The following SIRT7 variants were observed in gnomAD, a reference collection of about 807,000 sequenced individuals.
SIRT7 encodes the protein NAD-dependent protein deacetylase sirtuin-7.
A neutral mutation model predicts 42.8 loss-of-function variants in SIRT7; 32 were observed. The observed-to-expected ratio is 0.75, with a 90% confidence interval of 0.56 to 1.00. SIRT7 has a LOEUF of 1.00. Among genes scored for constraint, SIRT7 ranks in the 50% least tolerant of loss-of-function variants. SIRT7 has a pLI of 0.00. For synonymous variants in SIRT7, 297 were observed against 245.2 expected (o/e 1.21, Z -1.97); for missense variants, 553 against 572.2 (o/e 0.97, Z 0.34).
chr17:81,913,590 G>A lies in SIRT7; in HGVS notation c.1004+184C>T. Reference sequence around the variant, plus strand: ...TGCCACATCAGCCAGGGCAGGAGTGGCACACGCAGGGTCTCCGCCAACCAC... The same window carrying A: ...TGCCACATCAGCCAGGGCAGGAGTGACACACGCAGGGTCTCCGCCAACCAC... On this transcript the variant is annotated intron_variant, in intron 9 of 9. Coordinates refer to ENST00000328666, the MANE Select transcript of SIRT7 (RefSeq NM_016538.3). The surrounding 1 kb of genome is among the most constrained non-coding windows in gnomAD (Gnocchi z 5.0). The A allele has an allele frequency of 1.7e-6, 1 of 595,694 alleles. No individual in the cohort carries two copies. Among genetic ancestry groups the A allele is most frequent in the Non-Finnish European group, 3.0e-6 (1 of 333,686 alleles). The allele number at this position is 595,694 out of a possible 1,614,324, so 36.9% of individuals were successfully genotyped here. A position where few individuals can be genotyped will look rare whatever the true frequency, so the allele number is the denominator to read the frequency against.
chr17:81,917,880 G>C lies in SIRT7; in HGVS notation c.181C>G (p.Leu61Val), dbSNP rs1231732977. Residue 61 changes from leucine to valine, a missense_variant, in exon 2 of 10, where the codon CTG becomes GTG. Coordinates refer to ENST00000328666, the MANE Select transcript of SIRT7 (RefSeq NM_016538.3). Reference protein sequence around the residue: ...LAESADLVTELQGRSRRREGL... With the variant: ...LAESADLVTEVQGRSRRREGL... ...TCGCGCCGCCGGCTCCGGCCCTGCA[G>C]CTCCGTTACCAGGTCCGCGCTCTCG... The C allele has an allele frequency of 1.1e-5, 16 of 1,440,238 alleles. No individual in the cohort carries two copies. The East Asian group carries it at 4.1e-4, about 36-fold the overall frequency. 89.2% of individuals were successfully genotyped at this position (1,440,238 alleles called of 1,614,324 possible). A position where few individuals can be genotyped will look rare whatever the true frequency, so the allele number is the denominator to read the frequency against.
chr17:81,915,819 G>A, intron 3 of SIRT7, 138 bp from the exon 4 acceptor site: 2 of 935,694 alleles, frequency 2.1e-6, no homozygotes, highest in Non-Finnish European at 1.7e-6. Context: ...TCATTCCACA[G>A]GCTGACCTGC....
Position 81,912,244 on chromosome 17 carries a change from G to C in SIRT7, c.*172C>G, listed in dbSNP as rs548198539. The C allele has an allele frequency of 3.2e-5, 25 of 784,776 alleles. No homozygotes were observed. Among genetic ancestry groups the C allele is most frequent in the Non-Finnish European group, 5.0e-5 (24 of 481,188 alleles). 48.6% of individuals were successfully genotyped at this position (784,776 alleles called of 1,614,324 possible). ...GTCCTCGATGGCCAGGCCGTATCAGGGTACAACCGCAGCAGTGCAAGGGGC... is the reference window on the plus strand; with the variant it reads ...GTCCTCGATGGCCAGGCCGTATCAGCGTACAACCGCAGCAGTGCAAGGGGC... On this transcript the variant is annotated 3_prime_UTR_variant, in exon 10 of 10. Coordinates refer to ENST00000328666, the MANE Select transcript of SIRT7 (RefSeq NM_016538.3).
Position 81,917,936 on chromosome 17 carries a change from TCCG to T in SIRT7, c.122_124del (p.Ala41del), listed in dbSNP as rs1268550486. 2.2e-6 allele frequency: 3 copies of T among 1,390,296 alleles called. No homozygotes were observed. Among genetic ancestry groups the T allele is most frequent in the South Asian group, 1.6e-5 (1 of 61,852 alleles). 86.1% of individuals were successfully genotyped at this position (1,390,296 alleles called of 1,614,324 possible). On this transcript the variant is annotated inframe_deletion, in exon 2 of 10. Coordinates refer to ENST00000328666, the MANE Select transcript of SIRT7 (RefSeq NM_016538.3). ...CAGCCGGCCCTCCTCGGCGCTGCGC[TCCG>T]CCGCCGCCTTCCTCAGGATGCGCGA...
intron 7 of SIRT7, 50 bp downstream of exon 7, chr17:81,914,244 C>A (rs1394346140): frequency 1.9e-6 from 3 of 1,611,654 alleles, no homozygotes; most frequent in East Asian, 2.2e-5. Context: ...GAGCTGGACA[C>A]CCTCGGGCGG....
intron 3 of SIRT7, chr17:81,917,362 T>G (rs767002942): frequency 7.7e-6 from 3 of 389,222 alleles, no homozygotes; most frequent in Non-Finnish European, 9.2e-6. Context: ...AACTTTGGGC[T>G]TAGCTCTGTC....
Position 81,914,164 on chromosome 17 carries a change from G to A in SIRT7, c.820C>T (p.Leu274=), listed in dbSNP as rs1159704795. ...ILCLGSSLKV[L]KKYPRLWCMT... ...CACCAGAGGCGTGGGTACTTCTTTA[G>A]AACCTGTGGAAGCAGACAGACAGAC... is the stretch of plus-strand genomic sequence containing the variant. Residue 274 remains leucine, a synonymous_variant, in exon 8 of 10, where the codon CTA becomes TTA. Transcript: ENST00000328666. 11 of 1,613,624 alleles carry A rather than the reference G, an allele frequency of 6.8e-6. No homozygotes were observed. The highest frequency in any genetic ancestry group is 1.7e-5 in the Admixed American group (1 of 60,024).
rs2040843750 is a variant in SIRT7, at chr17:81,918,115, A to C, written c.17T>G (p.Leu6Arg). Reference protein sequence around the residue: MAAGGLSRSERKAAER... With the variant: MAAGGRSRSERKAAER... ...CGCCGCTTTGCGCTCGGAGCGGCTC[A>C]GACCCCCGGCTGCCATCGCTCCCCT... Residue 6 changes from leucine (L) to arginine (R), a missense_variant, in exon 1 of 10, where the codon CTG becomes CGG. Physicochemically the swap from Leu to Arg is moderately radical, Grantham distance 102. Transcript: ENST00000328666. 4 of 1,552,868 alleles carry C rather than the reference A, an allele frequency of 2.6e-6. No individual in the cohort carries two copies. Among genetic ancestry groups the C allele is most frequent in the Non-Finnish European group, 3.4e-6 (4 of 1,160,554 alleles).
chr17:81,915,319 G>C (rs1291920436), intron 5 of SIRT7, 121 bp downstream of exon 5: 2 of 1,134,216 alleles, frequency 1.8e-6, no homozygotes, highest in African/African-American at 3.1e-5. Flanking sequence ...TAACCCGCTT[G>C]GTGGGTGCTC....
chr17:81,915,662 T>A lies in SIRT7; in HGVS notation c.356A>T (p.Tyr119Phe). Reference protein sequence around the residue: ...GISTAASIPDYRGPNGVWTLL... With the variant: ...GISTAASIPDFRGPNGVWTLL... ...TGTCCACACTCCATTAGGGCCCCGG[T>A]AGTCTGGGATAGACGCTGCCTGCAT... The change falls in exon 4 of 10, where the codon TAC becomes TTC. Residue 119 changes from tyrosine (Y) to phenylalanine (F), a missense_variant. Transcript: ENST00000328666. 6.2e-7 allele frequency: 1 copy of A among 1,613,876 alleles called. No homozygotes were observed. The highest frequency in any genetic ancestry group is 1.1e-5 in the South Asian group (1 of 91,072).
At position 81,912,036 on chromosome 17, in the gene SIRT7, TA is replaced by T. The variant is rs2143770442; in HGVS notation, c.*379del. On this transcript the variant is annotated 3_prime_UTR_variant, in exon 10 of 10. Transcript: ENST00000328666. ...CACATCCAGTACAGAGAGGATTCTA[TA>T]AAGTTCACACTTTTTCATTAAGTAG... 1 of 331,612 alleles carries T rather than the reference TA, an allele frequency of 3.0e-6. No homozygotes were observed. Among genetic ancestry groups the T allele is most frequent in the Non-Finnish European group, 5.7e-6 (1 of 175,152 alleles). The allele number at this position is 331,612 out of a possible 1,614,324, so 20.5% of individuals were successfully genotyped here.
rs1429408860 is a variant in SIRT7 at position 81,913,396 on chromosome 17, T to G, written c.1004+378A>C. 1 of 449,920 alleles carries G rather than the reference T, an allele frequency of 2.2e-6. No homozygotes were observed. Among genetic ancestry groups the G allele is most frequent in the East Asian group, 6.7e-5 (1 of 14,968 alleles). 27.9% of individuals were successfully genotyped at this position (449,920 alleles called of 1,614,324 possible). On this transcript the variant is annotated intron_variant, in intron 9 of 9. Transcript: ENST00000328666. The surrounding 1 kb of genome is among the most constrained non-coding windows in gnomAD (Gnocchi z 5.0). ...ATTAAGGCACAGTTTGTTTAAGCTTTCCCAAAGTACGCCAACTCCCAAAAC... is the reference window on the plus strand; with the variant it reads ...ATTAAGGCACAGTTTGTTTAAGCTTGCCCAAAGTACGCCAACTCCCAAAAC...
intron 1 of SIRT7, 21 bp downstream of exon 1, chr17:81,918,018 C>A: frequency 7.0e-7 from 1 of 1,421,174 alleles, no homozygotes; most frequent in Non-Finnish European, 9.1e-7. Context: ...ATGGCCGGGC[C>A]GGGGAGCGGC....
Position 81,914,531 on chromosome 17 carries a change from C to G in SIRT7, c.580-1G>C, listed in dbSNP as rs1257069573. The stretch of plus-strand genomic sequence containing the variant: ...TGTTGGGAACGCAGGAGGTACAGAC[C>G]TAGAGGCAAGAGGGCACAGTGAGTG... On this transcript the variant is annotated splice_acceptor_variant, in intron 6 of 9. Transcript: ENST00000328666. LOFTEE classifies it high-confidence loss of function. 7 of 1,613,210 alleles carry G rather than the reference C, an allele frequency of 4.3e-6. No individual in the cohort carries two copies. Among genetic ancestry groups the G allele is most frequent in the Non-Finnish European group, 5.1e-6 (6 of 1,179,996 alleles).
chr17:81,912,611 C>G lies in SIRT7; in HGVS notation c.1008G>C (p.Trp336Cys), dbSNP rs199923657. ...LGLEIPAYSR[W>C]QDPIFSLATP... is the part of the protein sequence containing the mutation. ...TCGCCAGTGAGAAAATGGGATCCTGCCACCTGCCAAAAAGGGAAAGCGGCA... is the reference window on the plus strand; with the variant it reads ...TCGCCAGTGAGAAAATGGGATCCTGGCACCTGCCAAAAAGGGAAAGCGGCA... The change falls in exon 10 of 10, where the codon TGG (tryptophan) becomes TGC (cysteine). Residue 336 changes from tryptophan (W) to cysteine (C), a missense_variant. Trp to Cys is a radical substitution (Grantham distance 215). Coordinates refer to ENST00000328666, the MANE Select transcript of SIRT7 (RefSeq NM_016538.3). The G allele has an allele frequency of 6.9e-5, 111 of 1,612,762 alleles. 1 individual carries two copies. The South Asian group carries it at 1.2e-3, about 17-fold the overall frequency.
At chr17:81,915,113 G>A (rs1313430087) in intron 5 of SIRT7, 6 of 500,558 alleles carry the variant, frequency 1.2e-5, no homozygotes, top group African/African-American at 1.9e-5. Flanking sequence ...TCAGCAGAAG[G>A]TCCCCAGAGA....
chr17:81,915,789 G>C, intron 3 of SIRT7, 108 bp from the exon 4 acceptor site: 3 of 1,271,052 alleles, frequency 2.4e-6, no homozygotes, highest in East Asian at 2.5e-5. Flanking sequence ...TTCCGGGCTG[G>C]CCTGCATGTT....
chr17:81,912,441 C>G lies in SIRT7; in HGVS notation c.1178G>C (p.Arg393Pro), dbSNP rs145465834. ...TTACGTCACTTTCTTCCTTTTTGTGCGTTTTGTGCAGCCCCTGCCAAACCA... is the reference window on the plus strand; with the variant it reads ...TTACGTCACTTTCTTCCTTTTTGTGGGTTTTGTGCAGCCCCTGCCAAACCA... ...GGWFGRGCTK[R>P]TKRKKVT The change falls in exon 10 of 10, where the codon CGC becomes CCC. Residue 393 changes from arginine (R) to proline (P), a missense_variant. Transcript: ENST00000328666. 2.2e-5 allele frequency: 35 copies of G among 1,614,038 alleles called. No individual in the cohort carries two copies. Among genetic ancestry groups the G allele is most frequent in the East Asian group, 8.9e-5 (4 of 44,886 alleles).
intron 5 of SIRT7, 51 bp downstream of exon 5, chr17:81,915,389 A>C (rs762908009): frequency 1.1e-5 from 18 of 1,580,766 alleles, no homozygotes; most frequent in Non-Finnish European, 1.6e-5. Context: ...CTGGGCACCA[A>C]GGTGCTCTGC....
Sources: gnomAD v4.1 joint callset for allele counts on GRCh38, gnomAD v4.1.1 for gene constraint, Gnocchi (gnomAD v3.1) non-coding constraint, MANE v1.5 for transcripts, NCBI Gene and HGNC (gene_info 2026-07-23, HGNC 2026-07-21) for gene names.